The following FHIT variants were observed in gnomAD, a reference collection of about 807,000 sequenced individuals.
FHIT encodes the protein fragile histidine triad diadenosine triphosphatase.
A neutral mutation model predicts 17.9 loss-of-function variants in FHIT; 19 were observed. The observed-to-expected ratio is 1.06, with a 90% CI of 0.74 to 1.56. The LOEUF (loss-of-function observed/expected upper bound fraction) is 1.56. Among genes scored for constraint, FHIT ranks in the 40% most tolerant of loss-of-function variants. FHIT has a pLI of 0.00. For missense variants in FHIT, 248 were observed against 189.2 expected (o/e 1.31, Z -1.82); for synonymous variants, 81 against 69.7 (o/e 1.16, Z -0.81).
intron 3 of FHIT, among the ~76,000 whole-genome samples, chr3:60,913,549 C>T (rs1467831422): frequency 2.0e-5 from 3 of 152,222 alleles, no homozygotes; most frequent in Admixed American, 1.3e-4. Context: ...ATTTAATGTA[C>T]TGCTTATCCC....
chr3:60,556,709 T>C (rs566149407), intron 4 of FHIT, among the ~76,000 whole-genome samples: 25 of 152,324 alleles, frequency 1.6e-4, no homozygotes, highest in Non-Finnish European at 2.5e-4. Flanking sequence ...GGTTTTGGAA[T>C]AGCAACACCC....
chr3:61,191,808 T>C (rs1248116795), intron 2 of FHIT, among the ~76,000 whole-genome samples: 10 of 152,008 alleles, frequency 6.6e-5, no homozygotes, highest in Admixed American at 4.6e-4. Context: ...AGCAGCCTCT[T>C]CTGATTGCTT....
At position 61,044,027 on chromosome 3, in the gene FHIT, G is replaced by A. The variant is rs140496034; in HGVS notation, c.-163-1928C>T. Among the ~76,000 whole-genome samples the A allele has an allele frequency of 2.6e-3, 401 of 152,284 alleles. 1 individual carries two copies. Among genetic ancestry groups the A allele is most frequent in the African/African-American group, 8.7e-3 (362 of 41,566 alleles). Reference sequence around the variant, plus strand: ...GTACATAAAACCACAAAGATGGGGAGAAACCAGAGTAGAAAAGCTGAAAAT... The same window carrying A: ...GTACATAAAACCACAAAGATGGGGAAAAACCAGAGTAGAAAAGCTGAAAAT... On this transcript the variant is annotated intron_variant, in intron 2 of 9. Coordinates refer to ENST00000492590, the MANE Select transcript of FHIT (RefSeq NM_002012.4).
intron 2 of FHIT, among the ~76,000 whole-genome samples, chr3:61,075,999 T>C (rs1045862216): frequency 4.6e-5 from 7 of 152,334 alleles, no homozygotes; most frequent in South Asian, 2.1e-4. Context: ...ATTATTCGTT[T>C]AATCCCTCAT....
chr3:59,785,328 G>A (rs1257490839), intron 8 of FHIT, among the ~76,000 whole-genome samples: 1 of 83,342 alleles, frequency 1.2e-5, no homozygotes. Context: ...TTTTTTTTTT[G>A]AGATAGTATC....
intron 4 of FHIT, among the ~76,000 whole-genome samples, chr3:60,650,137 T>C (rs886733970): frequency 1.3e-5 from 2 of 152,248 alleles, no homozygotes; most frequent in Admixed American, 1.3e-4. Flanking sequence ...TTTGGGCTTG[T>C]GGTACCTCTG....
chr3:60,679,788 A>G (rs2107859594), intron 4 of FHIT, among the ~76,000 whole-genome samples: 1 of 152,222 alleles, frequency 6.6e-6, no homozygotes, highest in East Asian at 1.9e-4. Context: ...CAATTCCACT[A>G]CATTTGCCAA....
chr3:60,514,042 A>G (rs932824911), intron 5 of FHIT, among the ~76,000 whole-genome samples: 6 of 152,106 alleles, frequency 3.9e-5, no homozygotes, highest in Non-Finnish European at 8.8e-5. Flanking sequence ...TTATCTTCCC[A>G]CTCCATTCCC....
At chr3:61,137,262 CTTTTTTTTTTTTT>C (rs67142172) in intron 2 of FHIT, among the ~76,000 whole-genome samples, 3 of 105,510 alleles carry the variant, frequency 2.8e-5, no homozygotes, top group East Asian at 2.9e-4. Context: ...AGGTTTCACT[CTTTTTTTTTTTTT>C]TTTTTTTTTT....
intron 2 of FHIT, among the ~76,000 whole-genome samples, chr3:61,133,308 C>T (rs1560008700): frequency 1.3e-5 from 2 of 152,278 alleles, no homozygotes; most frequent in East Asian, 3.9e-4. Flanking sequence ...TTTGTGGTTC[C>T]TGTATTCCTA....
At chr3:61,175,988 A>C (rs186214219) in intron 2 of FHIT, among the ~76,000 whole-genome samples, 1 of 152,390 alleles carries the variant, frequency 6.6e-6, no homozygotes, top group Admixed American at 6.5e-5. Context: ...GCAGTAGCCA[A>C]GATCTTTTCT....
intron 4 of FHIT, among the ~76,000 whole-genome samples, chr3:60,814,623 T>A (rs1701673687): frequency 6.6e-6 from 1 of 152,188 alleles, no homozygotes; most frequent in African/African-American, 2.4e-5. Context: ...GGCACCTAGG[T>A]TGAGTCCATA....
At chr3:59,807,336 C>T (rs2629877) in intron 8 of FHIT, among the ~76,000 whole-genome samples, 117,679 of 152,040 alleles carry the variant, frequency 0.77, 46,115 homozygotes, top group Middle Eastern at 0.93. Context: ...TGGTTAACTT[C>T]CAGCTCAGTG....
chr3:60,464,551 C>A (rs992727185), intron 5 of FHIT, among the ~76,000 whole-genome samples: 6 of 151,976 alleles, frequency 3.9e-5, no homozygotes, highest in African/African-American at 9.7e-5. Context: ...TCTACTCTCT[C>A]TTTCCGTGAG....
At chr3:60,573,141 G>A (rs782155341) in intron 4 of FHIT, among the ~76,000 whole-genome samples, 24 of 152,188 alleles carry the variant, frequency 1.6e-4, no homozygotes, top group African/African-American at 5.5e-4. Context: ...CCTGGGGTCA[G>A]GAAGGTTAAC....
At chr3:59,918,653 G>T (rs953409091) in intron 8 of FHIT, among the ~76,000 whole-genome samples, 1 of 152,154 alleles carries the variant, frequency 6.6e-6, no homozygotes. Flanking sequence ...GAGAGAAGAG[G>T]AGCAGCCCAT....
At chr3:60,121,899 T>A (rs980521406) in intron 5 of FHIT, among the ~76,000 whole-genome samples, 1 of 152,156 alleles carries the variant, frequency 6.6e-6, no homozygotes, top group Non-Finnish European at 1.5e-5. Context: ...TTTCACAATG[T>A]TGTATCTACA....
At chr3:60,010,944 G>A (rs1051533069) in intron 7 of FHIT, among the ~76,000 whole-genome samples, 15 of 152,066 alleles carry the variant, frequency 9.9e-5, no homozygotes, top group East Asian at 1.9e-4. Flanking sequence ...CTACTGCTGC[G>A]GTTATTGCTT....
At chr3:60,504,525 T>TA (rs942703905) in intron 5 of FHIT, among the ~76,000 whole-genome samples, 59 of 152,266 alleles carry the variant, frequency 3.9e-4, no homozygotes, top group African/African-American at 1.4e-3. Context: ...CACATCACAG[T>TA]AATTTGTTAA....
Sources: allele counts gnomAD v4.1 joint callset (sites outside exome capture counted in the v4.1 genomes callset), GRCh38; gene constraint gnomAD v4.1.1; transcripts MANE v1.5; gene names NCBI Gene and HGNC (gene_info 2026-07-23, HGNC 2026-07-21).